The following NSD3 variants were observed in gnomAD, a reference collection of about 807,000 sequenced individuals.
NSD3 encodes histone-lysine N-methyltransferase NSD3.
In NSD3, 24 loss-of-function variants were observed where a neutral mutation model predicts 160.8. That is an observed-to-expected ratio of 0.15 (90% CI 0.11 to 0.21). The LOEUF is 0.21. NSD3 is among the 10% of genes least tolerant of loss of function. The pLI is 1.00. For synonymous variants in NSD3, 520 were observed against 600.0 expected, an observed-to-expected ratio of 0.87 and a Z score of 1.95; for missense variants, 1,157 against 1,735.9, an observed-to-expected ratio of 0.67 and a Z score of 5.93.
At chr8:38,294,848 T>A (rs1809093333) in intron 16 of NSD3, among the ~76,000 whole-genome samples, 1 of 151,628 alleles carries the variant, frequency 6.6e-6, no homozygotes, top group African/African-American at 2.4e-5. Flanking sequence ...AAAAAATTTT[T>A]AAAGTTTTTT....
chr8:38,342,669 G>A (rs1262712054), intron 2 of NSD3, among the ~76,000 whole-genome samples: 1 of 151,718 alleles, frequency 6.6e-6, no homozygotes, highest in Non-Finnish European at 1.5e-5. Context: ...CCAGGTTCAA[G>A]CGATTCTCCT....
rs1809118854 is a variant in NSD3 at position 38,295,697 on chromosome 8, G to A, written c.2915+99C>T. On this transcript the variant is annotated intron_variant, in intron 16 of 23. Coordinates refer to ENST00000317025, the MANE Select transcript of NSD3 (RefSeq NM_023034.2). ...TTTTTTTTTAAGGAAGTAGGTCCAT[G>A]CTGTCTACCTATCTATCTCCAAGTC... 10 of 1,112,590 alleles carry A rather than the reference G, an allele frequency of 9.0e-6. No homozygotes were observed. In the South Asian group the frequency reaches 1.6e-4, roughly 18 times the overall value. 68.9% of individuals were successfully genotyped at this position (1,112,590 alleles called of 1,614,324 possible). A position where few individuals can be genotyped will look rare whatever the true frequency, so the allele number is the denominator to read the frequency against.
At chr8:38,332,833 G>T (rs538934828) in intron 4 of NSD3, among the ~76,000 whole-genome samples, 1 of 152,030 alleles carries the variant, frequency 6.6e-6, no homozygotes, top group South Asian at 2.1e-4. Context: ...GATCTTTTGC[G>T]AAAAATAGTC....
chr8:38,286,983 C>CG (rs940697389), intron 19 of NSD3, among the ~76,000 whole-genome samples: 1 of 152,148 alleles, frequency 6.6e-6, no homozygotes, highest in African/African-American at 2.4e-5. Flanking sequence ...TAATGGCACT[C>CG]GACATGTTTA....
intron 15 of NSD3, among the ~76,000 whole-genome samples, chr8:38,298,698 A>G (rs964079297): frequency 6.6e-6 from 1 of 152,214 alleles, no homozygotes; most frequent in Non-Finnish European, 1.5e-5. Context: ...AACTCCCCAA[A>G]TAATACATCA....
In NSD3 at chr8:38,329,865, C is replaced by T. The variant is rs1810011066; in HGVS notation, c.1094G>A (p.Arg365His). 4 of 1,601,068 alleles carry T rather than the reference C, an allele frequency of 2.5e-6. No homozygotes were observed. Among genetic ancestry groups the T allele is most frequent in the Non-Finnish European group, 3.4e-6 (4 of 1,173,784 alleles). ...GGCAATGCCAATATCCCACTGAGCA[C>T]GTTCTCTCTGAGGTCGGGGTTTCCG... ...KIRKPRPQRE[R>H]AQWDIGIAHA... Residue 365 changes from arginine (R) to histidine (H), a missense_variant, in exon 6 of 24, where the codon CGT becomes CAT. Physicochemically the swap from Arg to His is conservative, Grantham distance 29 (BLOSUM62 0). This residue lies in a region of NSD3 where 168 missense variants were observed against 208.1 expected (regional missense o/e 0.81). Transcript: ENST00000317025. This position sits in a 1 kb window ranked among gnomAD's most constrained non-coding sequence, Gnocchi z 4.8.
chr8:38,300,450 G>A (rs868207509), intron 14 of NSD3, among the ~76,000 whole-genome samples: 1 of 152,146 alleles, frequency 6.6e-6, no homozygotes, highest in Non-Finnish European at 1.5e-5. Context: ...TTACAGGCAT[G>A]AGCCACTGTG....
intron 16 of NSD3, among the ~76,000 whole-genome samples, chr8:38,293,148 A>AG (rs1809046879): frequency 2.0e-5 from 3 of 151,684 alleles, no homozygotes; most frequent in South Asian, 4.2e-4. Context: ...AAAAAAAAAA[A>AG]AAAAGAAAAA....
At chr8:38,378,502 C>T (rs1311521083) in intron 1 of NSD3, among the ~76,000 whole-genome samples, 6 of 152,138 alleles carry the variant, frequency 3.9e-5, no homozygotes, top group African/African-American at 1.2e-4. Flanking sequence ...ATTAGCAGGG[C>T]GTGGTGGCGG....
At chr8:38,346,313 GTATATGTA>G (rs948784287) in intron 2 of NSD3, among the ~76,000 whole-genome samples, 4 of 146,272 alleles carry the variant, frequency 2.7e-5, no homozygotes, top group Admixed American at 6.9e-5. Context: ...TATAGTATAT[GTATATGTA>G]TATATGTATA....
At chr8:38,293,257 AAG>A (rs1809049942) in intron 16 of NSD3, among the ~76,000 whole-genome samples, 1 of 152,164 alleles carries the variant, frequency 6.6e-6, no homozygotes, top group Non-Finnish European at 1.5e-5. Flanking sequence ...ACATATGTAA[AAG>A]AGAGAGAACA....
chr8:38,338,695 A>G lies in NSD3; in HGVS notation c.676-88T>C, dbSNP rs1810284642. 13 of 1,061,894 alleles carry G rather than the reference A, an allele frequency of 1.2e-5. No individual in the cohort carries two copies. In the South Asian group the frequency reaches 1.6e-4, roughly 13 times the overall value. 65.8% of individuals were successfully genotyped at this position (1,061,894 alleles called of 1,614,324 possible). On this transcript the variant is annotated intron_variant, in intron 2 of 23. Transcript: ENST00000317025. ...CAGTGACATACATAAAAAGAATCAA[A>G]GAAAACTAAATAAAGAGAATAAAGG... is the stretch of plus-strand genomic sequence containing the variant.
At position 38,270,447 on chromosome 8, in the gene NSD3, AATG is replaced by A. The variant is rs1405427888; in HGVS notation, c.*5191_*5193del. 12 of 152,232 alleles carry A rather than the reference AATG, an allele frequency of 7.9e-5. No individual in the cohort carries two copies. Among genetic ancestry groups the A allele is most frequent in the Non-Finnish European group, 1.3e-4 (9 of 68,048 alleles). The allele number at this position is 152,232 out of a possible 1,614,324, so 9.4% of individuals were successfully genotyped here. A position where few individuals can be genotyped will look rare whatever the true frequency, so the allele number is the denominator to read the frequency against. ...TATACACATACCCTTGTATATAAAA[AATG>A]ATATTAGCCAGTTGTAATACTCATT... On this transcript the variant is annotated 3_prime_UTR_variant, in exon 24 of 24. Transcript: ENST00000317025.
intron 12 of NSD3, among the ~76,000 whole-genome samples, chr8:38,314,339 T>G (rs112270739): frequency 4.3e-4 from 66 of 152,322 alleles, no homozygotes; most frequent in South Asian, 3.7e-3. Context: ...ACCAATTTAT[T>G]GAGCCCCCAA....
rs1810061874 is a variant in NSD3, at chr8:38,331,587, T to TGTAA, written c.911-6_911-3dup. 1 of 1,608,482 alleles carries TGTAA rather than the reference T, an allele frequency of 6.2e-7. No homozygotes were observed. On this transcript the variant is annotated splice_region_variant and splice_polypyrimidine_tract_variant and intron_variant, in intron 4 of 23. Coordinates refer to ENST00000317025, the MANE Select transcript of NSD3 (RefSeq NM_023034.2). The stretch of plus-strand genomic sequence containing the variant: ...ACTGGACATGATATTCTCGGGCACC[T>TGTAA]GTAAGTAAAAATTCTTATTAACCAT...
At chr8:38,343,872 G>A (rs1250426711) in intron 2 of NSD3, among the ~76,000 whole-genome samples, 1 of 152,152 alleles carries the variant, frequency 6.6e-6, no homozygotes, top group Non-Finnish European at 1.5e-5. Context: ...AAGGGGATAT[G>A]GCAAACTAAG....
intron 12 of NSD3, among the ~76,000 whole-genome samples, chr8:38,306,916 T>C (rs1298146261): frequency 1.3e-5 from 2 of 151,870 alleles, no homozygotes; most frequent in South Asian, 2.1e-4. Context: ...AGATCAAGAC[T>C]GTCCTGGTTA....
chr8:38,319,970 G>T lies in NSD3; in HGVS notation c.1810-1030C>A, dbSNP rs538382123. The stretch of plus-strand genomic sequence containing the variant: ...GTTTAAAACTGACTGGTCACAGACT[G>T]ATTTTGGGAACCAGCTGGCAAAATC... On this transcript the variant is annotated intron_variant, in intron 8 of 23. Transcript: ENST00000317025. This position sits in a 1 kb window ranked among gnomAD's most constrained non-coding sequence, Gnocchi z 4.1. The T allele has an allele frequency of 2.6e-5, 4 of 152,170 alleles. No individual in the cohort carries two copies. The highest frequency in any genetic ancestry group is 9.6e-5 in the African/African-American group (4 of 41,526). 9.4% of individuals were successfully genotyped at this position (152,170 alleles called of 1,614,324 possible).
At position 38,295,897 on chromosome 8, in the gene NSD3, T is replaced by A; in HGVS notation, c.2814A>T (p.Leu938=). ...AGCAGCCTTCTGGCATTTCTATGCT[T>A]AGGCATTCCGGGTGGAAGGAAGCTG... ...SCPASFHPEC[L]SIEMPEGCWN... The change falls in exon 16 of 24, where the codon CTA becomes CTT. Residue 938 remains leucine, a synonymous_variant. Transcript: ENST00000317025. 1 of 1,614,034 alleles carries A rather than the reference T, an allele frequency of 6.2e-7. No homozygotes were observed. The highest frequency in any genetic ancestry group is 8.5e-7 in the Non-Finnish European group (1 of 1,179,988).
Sources: gnomAD v4.1 joint callset for allele counts (sites outside exome capture counted in the v4.1 genomes callset) on GRCh38, gnomAD v4.1.1 for gene constraint, gnomAD v4.1.1 regional missense constraint, Gnocchi (gnomAD v3.1) non-coding constraint, MANE v1.5 for transcripts, NCBI Gene and HGNC (gene_info 2026-07-23, HGNC 2026-07-21) for gene names.